USH2A: variants seen among roughly 807,000 people sequenced by gnomAD.
The protein encoded by USH2A is usherin.
USH2A carries 443 observed loss-of-function variants against 538.9 expected under a neutral mutation model. The observed-to-expected ratio is 0.82, with a 90% CI of 0.76 to 0.89. The LOEUF is 0.89. Among genes scored for constraint, USH2A ranks in the 40% least tolerant of loss-of-function variants. The pLI is 0.00. For synonymous variants in USH2A, 2,413 were observed against 2,273.5 expected (o/e 1.06, Z -1.75); for missense variants, 6,633 against 6,324.8 (o/e 1.05, Z -1.65).
At chr1:216,395,907 G>A (rs772341403) in intron 3 of USH2A, among the ~76,000 whole-genome samples, 1 of 152,144 alleles carries the variant, frequency 6.6e-6, no homozygotes. Flanking sequence ...ATTCAAGAAA[G>A]TACATATACT....
intron 53 of USH2A, 86 bp from the exon 54 acceptor site, chr1:215,782,282 G>T (rs1232775410): frequency 1.4e-6 from 2 of 1,382,100 alleles, no homozygotes; most frequent in East Asian, 4.7e-5. Flanking sequence ...GTGTTCGGAA[G>T]AAATGCAATA....
chr1:216,271,591 G>A (rs2036577832), intron 11 of USH2A, among the ~76,000 whole-genome samples: 1 of 152,000 alleles, frequency 6.6e-6, no homozygotes, highest in Admixed American at 6.6e-5. Flanking sequence ...TCCTTGCTTT[G>A]TTCCTGATGT....
rs200172376 is a variant in USH2A, at chr1:215,790,179, C to G, written c.10062G>C (p.Val3354=). 9.8e-4 allele frequency: 1,577 copies of G among 1,614,044 alleles called. 23 individuals carry two copies. The South Asian group carries it at 0.012, about 13-fold the overall frequency. Residue 3354 remains valine, a synonymous_variant, in exon 51 of 72, where the codon GTG becomes GTC. Coordinates refer to ENST00000307340, the MANE Select transcript of USH2A (RefSeq NM_206933.4). ...GTTCAGTCTCACAGCATTTTACTGG[C>G]ACCGGGTCATTCTTTTTAATATGTG... ...SKAHIKKNDP[V]PVKCCETELI... is the part of the protein sequence containing the mutation.
chr1:216,191,862 C>T (rs915305960), intron 19 of USH2A, among the ~76,000 whole-genome samples: 3 of 151,486 alleles, frequency 2.0e-5, no homozygotes, highest in Admixed American at 6.6e-5. Flanking sequence ...TAGCAAGAAC[C>T]CACGATGAAA....
chr1:216,230,512 T>G (rs2035656119), intron 14 of USH2A, among the ~76,000 whole-genome samples: 1 of 152,154 alleles, frequency 6.6e-6, no homozygotes, highest in South Asian at 2.1e-4. Context: ...TTAATAAAAT[T>G]TTAAATGATT....
At chr1:216,097,956 G>A (rs1191021317) in intron 21 of USH2A, among the ~76,000 whole-genome samples, 2 of 131,524 alleles carry the variant, frequency 1.5e-5, no homozygotes, top group East Asian at 2.2e-4. Flanking sequence ...TATGAATGAT[G>A]CCTCCCCCCT....
Position 216,321,991 on chromosome 1 carries a change from A to C in USH2A, c.1551-15T>G, listed in dbSNP as rs2037623130. 1 of 1,613,172 alleles carries C rather than the reference A, an allele frequency of 6.2e-7. No individual in the cohort carries two copies. Among genetic ancestry groups the C allele is most frequent in the African/African-American group, 1.3e-5 (1 of 74,916 alleles). ...GGCACTGACATCTGCAAACATGAGC[A>C]TCACACACTCCTAAGGAACACCAAC... On this transcript the variant is annotated splice_polypyrimidine_tract_variant and intron_variant, in intron 8 of 71. Transcript: ENST00000307340.
chr1:216,370,689 A>G (rs964197864), intron 3 of USH2A, among the ~76,000 whole-genome samples: 3 of 150,198 alleles, frequency 2.0e-5, no homozygotes, highest in Non-Finnish European at 4.4e-5. Flanking sequence ...AAAAAAAAAA[A>G]AAAAAAAAAA....
intron 26 of USH2A, among the ~76,000 whole-genome samples, chr1:216,078,862 T>A (rs958642889): frequency 8.5e-5 from 13 of 152,190 alleles, no homozygotes; most frequent in South Asian, 2.1e-4. Flanking sequence ...CAATTTCAAA[T>A]ATGTAAGACA....
chr1:216,238,354 T>G (rs2035870446), intron 13 of USH2A, among the ~76,000 whole-genome samples: 1 of 152,158 alleles, frequency 6.6e-6, no homozygotes, highest in Non-Finnish European at 1.5e-5. Context: ...TTCCCTGCCT[T>G]CCTCGGCCTG....
chr1:215,644,842 GAGAGT>G (rs1656796727), intron 67 of USH2A, among the ~76,000 whole-genome samples: 1 of 152,220 alleles, frequency 6.6e-6, no homozygotes, highest in Non-Finnish European at 1.5e-5. Context: ...TGCTGTCAGA[GAGAGT>G]AGAGTCCACA....
chr1:216,024,629 T>G (rs1668920355), intron 32 of USH2A, among the ~76,000 whole-genome samples: 1 of 152,058 alleles, frequency 6.6e-6, no homozygotes, highest in Non-Finnish European at 1.5e-5. Context: ...TGTATTTGAC[T>G]TAGCACATTG....
intron 47 of USH2A, among the ~76,000 whole-genome samples, chr1:215,821,178 T>C (rs1663002779): frequency 1.3e-5 from 2 of 151,798 alleles, no homozygotes; most frequent in African/African-American, 4.8e-5. Context: ...TATTCTATAG[T>C]GGCTGTACAA....
At chr1:216,155,649 A>G (rs1020868819) in intron 21 of USH2A, among the ~76,000 whole-genome samples, 14 of 152,156 alleles carry the variant, frequency 9.2e-5, no homozygotes, top group African/African-American at 3.4e-4. Context: ...GACTGATTTG[A>G]GTGATAACTC....
intron 30 of USH2A, among the ~76,000 whole-genome samples, chr1:216,069,694 T>C (rs759480066): frequency 5.9e-5 from 9 of 152,142 alleles, no homozygotes; most frequent in Non-Finnish European, 1.3e-4. Flanking sequence ...TTGAGATAAT[T>C]AGGTTTAATC....
At chr1:215,852,626 T>C (rs1252072748) in intron 44 of USH2A, among the ~76,000 whole-genome samples, 2 of 152,118 alleles carry the variant, frequency 1.3e-5, no homozygotes, top group Non-Finnish European at 2.9e-5. Flanking sequence ...TATGAGCTTG[T>C]AAAATCAAAA....
intron 15 of USH2A, among the ~76,000 whole-genome samples, chr1:216,213,863 A>G (rs1256111537): frequency 6.6e-6 from 1 of 152,098 alleles, no homozygotes; most frequent in African/African-American, 2.4e-5. Flanking sequence ...TCTTTAACTC[A>G]GTAAGAGGAC....
At chr1:215,975,535 C>T (rs957049865) in intron 35 of USH2A, among the ~76,000 whole-genome samples, 4 of 152,198 alleles carry the variant, frequency 2.6e-5, no homozygotes, top group East Asian at 3.9e-4. Flanking sequence ...CTGCATAAGG[C>T]TAGCAAGCTA....
chr1:216,076,040 G>A (rs910304777), intron 27 of USH2A, among the ~76,000 whole-genome samples: 3 of 152,088 alleles, frequency 2.0e-5, no homozygotes, highest in Admixed American at 6.6e-5. Flanking sequence ...CTGCACCTCT[G>A]TATTGTGACT....
Sources: gnomAD v4.1 joint callset for allele counts (sites outside exome capture counted in the v4.1 genomes callset) on GRCh38, gnomAD v4.1.1 for gene constraint, MANE v1.5 for transcripts, NCBI Gene and HGNC (gene_info 2026-07-23, HGNC 2026-07-21) for gene names.